PLA2G12A: variants seen among roughly 807,000 people sequenced by gnomAD.
The protein encoded by PLA2G12A is group XIIA secretory phospholipase A2.
In PLA2G12A, 11 loss-of-function variants were observed where a neutral mutation model predicts 16.0. That is an observed-to-expected ratio of 0.69 (90% CI 0.43 to 1.13). The LOEUF is 1.13. Among genes scored for constraint, PLA2G12A ranks in the 50% most tolerant of loss-of-function variants. The probability of loss-of-function intolerance (pLI) is 0.00; values close to 1 mark genes in which losing one functional copy is unlikely to be tolerated. For synonymous variants in PLA2G12A, 77 were observed against 93.8 expected, an observed-to-expected ratio of 0.82 and a Z score of 1.03; for missense variants, 214 against 237.3, an observed-to-expected ratio of 0.90 and a Z score of 0.65.
At chr4:109,727,033 G>A (rs1178768837) in intron 1 of PLA2G12A, among the ~76,000 whole-genome samples, 1 of 151,282 alleles carries the variant, frequency 6.6e-6, no homozygotes, top group East Asian at 1.9e-4. Flanking sequence ...GTTTGGTTCT[G>A]ATTTGGTCAC....
chr4:109,717,333 A>C (rs1306440450), intron 3 of PLA2G12A, among the ~76,000 whole-genome samples: 2 of 151,890 alleles, frequency 1.3e-5, no homozygotes, highest in Non-Finnish European at 2.9e-5. Context: ...AGACACCCCT[A>C]CTCTCCCAAG....
chr4:109,715,449 G>C (rs1363138866), intron 3 of PLA2G12A, among the ~76,000 whole-genome samples: 1 of 150,232 alleles, frequency 6.7e-6, no homozygotes, highest in Non-Finnish European at 1.5e-5. Context: ...AGTCAGGTAG[G>C]TTTATTTTAT....
At chr4:109,719,814 T>C (rs1197892814) in intron 1 of PLA2G12A, among the ~76,000 whole-genome samples, 1 of 152,194 alleles carries the variant, frequency 6.6e-6, no homozygotes, top group Non-Finnish European at 1.5e-5. Context: ...CTGACACAGA[T>C]ACTAAGTGAG....
At chr4:109,724,807 A>C (rs137944628) in intron 1 of PLA2G12A, among the ~76,000 whole-genome samples, 322 of 152,330 alleles carry the variant, frequency 2.1e-3, no homozygotes, top group African/African-American at 7.4e-3. Flanking sequence ...TAGTGGTTAT[A>C]ACTGTCTGAA....
intron 2 of PLA2G12A, among the ~76,000 whole-genome samples, chr4:109,718,482 A>T (rs1730866657): frequency 6.6e-6 from 1 of 152,226 alleles, no homozygotes; most frequent in South Asian, 2.1e-4. Flanking sequence ...AATAGTACGA[A>T]CATCTATAAG....
In PLA2G12A at chr4:109,729,824, G is replaced by A; in HGVS notation, c.-15C>T. On this transcript the variant is annotated 5_prime_UTR_variant, in exon 1 of 4. Coordinates refer to ENST00000243501, the MANE Select transcript of PLA2G12A (RefSeq NM_030821.5). Reference sequence around the variant, plus strand: ...AGCAGGGCCATGCGCGCAGCGCCGGGCTCTACGGGTCCCCGAGCCGCGGCG... The same window carrying A: ...AGCAGGGCCATGCGCGCAGCGCCGGACTCTACGGGTCCCCGAGCCGCGGCG... 1 of 1,545,364 alleles carries A rather than the reference G, an allele frequency of 6.5e-7. No homozygotes were observed. The highest frequency in any genetic ancestry group is 1.2e-5 in the South Asian group (1 of 83,908).
At chr4:109,719,300 AC>A (rs1730878638) in intron 1 of PLA2G12A, among the ~76,000 whole-genome samples, 2 of 152,214 alleles carry the variant, frequency 1.3e-5, no homozygotes. Context: ...TAACCTTAGT[AC>A]TACAAGACAT....
In PLA2G12A at chr4:109,729,929, TC is replaced by T; in HGVS notation, c.-121del. ...GGACTTGGCAGCAGCCAGCTCCATA[TC>T]CACGCCTCCTTCCCGGCTGGCCCTC... is the stretch of plus-strand genomic sequence containing the variant. On this transcript the variant is annotated 5_prime_UTR_variant, in exon 1 of 4. Transcript: ENST00000243501. 1.3e-6 allele frequency: 1 copy of T among 769,482 alleles called. No homozygotes were observed. Among genetic ancestry groups the T allele is most frequent in the Non-Finnish European group, 2.0e-6 (1 of 508,380 alleles). 47.7% of individuals were successfully genotyped at this position (769,482 alleles called of 1,614,324 possible). A position where few individuals can be genotyped will look rare whatever the true frequency, so the allele number is the denominator to read the frequency against.
At chr4:109,714,525 G>C in intron 3 of PLA2G12A, 30 bp from the exon 4 acceptor site, 8 of 1,424,554 alleles carry the variant, frequency 5.6e-6, no homozygotes, top group Middle Eastern at 1.7e-4. Flanking sequence ...GATTACTGTT[G>C]GGCAACTGCA....
At chr4:109,727,331 G>A (rs1185701881) in intron 1 of PLA2G12A, among the ~76,000 whole-genome samples, 7 of 151,650 alleles carry the variant, frequency 4.6e-5, no homozygotes, top group Non-Finnish European at 8.8e-5. Context: ...GGCTGGTCTC[G>A]AACTCCTGAG....
chr4:109,717,753 C>T, intron 2 of PLA2G12A, 40 bp from the exon 3 acceptor site: 1 of 1,575,184 alleles, frequency 6.3e-7, no homozygotes, highest in Admixed American at 1.7e-5. Context: ...CAATGAAATG[C>T]AAAACTCCTC....
chr4:109,729,630 G>T lies in PLA2G12A; in HGVS notation c.180C>A (p.Asp60Glu), dbSNP rs1421948816. 1 of 1,611,838 alleles carries T rather than the reference G, an allele frequency of 6.2e-7. No individual in the cohort carries two copies. Among genetic ancestry groups the T allele is most frequent in the Non-Finnish European group, 8.5e-7 (1 of 1,179,736 alleles). ...NAALDLLGGE[D>E]GLCQYKCSDG... ...CACTGCATTTATACTGGCAGAGACC[G>T]TCCTCGCCTCCCAGGAGGTCCAAGG... Residue 60 changes from aspartate (D) to glutamate (E), a missense_variant, in exon 1 of 4, where the codon GAC becomes GAA. Coordinates refer to ENST00000243501, the MANE Select transcript of PLA2G12A (RefSeq NM_030821.5).
At position 109,730,069 on chromosome 4, in the gene PLA2G12A, G is replaced by C; in HGVS notation, c.-260C>G. On this transcript the variant is annotated 5_prime_UTR_variant, in exon 1 of 4. Coordinates refer to ENST00000243501, the MANE Select transcript of PLA2G12A (RefSeq NM_030821.5). ...ACCTGGGCCAGCAACCGTCCCCTGT[G>C]CGCCTGCGCCGGAGCACGGCGCGTC... 1 of 343,026 alleles carries C rather than the reference G, an allele frequency of 2.9e-6. No homozygotes were observed. Among genetic ancestry groups the C allele is most frequent in the Non-Finnish European group, 5.2e-6 (1 of 192,490 alleles). 21.2% of individuals were successfully genotyped at this position (343,026 alleles called of 1,614,324 possible). A position where few individuals can be genotyped will look rare whatever the true frequency, so the allele number is the denominator to read the frequency against.
intron 1 of PLA2G12A, among the ~76,000 whole-genome samples, chr4:109,726,773 T>C (rs1251333256): frequency 2.6e-5 from 4 of 152,180 alleles, no homozygotes; most frequent in Non-Finnish European, 4.4e-5. Flanking sequence ...GATCATCAAA[T>C]TTATTTCCCT....
chr4:109,719,273 A>C (rs1361735362), intron 1 of PLA2G12A, among the ~76,000 whole-genome samples: 2 of 152,214 alleles, frequency 1.3e-5, no homozygotes, highest in Non-Finnish European at 2.9e-5. Context: ...AGACAAGGTC[A>C]TCTGATGATC....
intron 1 of PLA2G12A, 100 bp from the exon 2 acceptor site, chr4:109,718,859 A>T (rs987221610): frequency 4.1e-6 from 3 of 735,628 alleles, no homozygotes; most frequent in African/African-American, 1.8e-5. Context: ...AGAAATATGT[A>T]ATATTTACTT....
In PLA2G12A at chr4:109,729,671, T is replaced by A; in HGVS notation, c.139A>T (p.Thr47Ser). Residue 47 changes from threonine (T) to serine (S), a missense_variant, in exon 1 of 4, where the codon ACG becomes TCG. By Grantham distance (58) the Thr-to-Ser change is moderately conservative. Transcript: ENST00000243501. ...AGGTCCAAGGCGGCGTTCAGGTACG[T>A]GTCTATCTTATGAACGCCGTTCCGG... is the stretch of plus-strand genomic sequence containing the variant. Reference protein sequence around the residue: ...TIRNGVHKIDTYLNAALDLLG... With the variant: ...TIRNGVHKIDSYLNAALDLLG... 1 of 1,611,820 alleles carries A rather than the reference T, an allele frequency of 6.2e-7. No homozygotes were observed. The highest frequency in any genetic ancestry group is 8.5e-7 in the Non-Finnish European group (1 of 1,179,794).
intron 1 of PLA2G12A, among the ~76,000 whole-genome samples, chr4:109,720,603 A>AAAT (rs1319859915): frequency 8.7e-5 from 2 of 23,038 alleles, no homozygotes; most frequent in African/African-American, 4.1e-4. Flanking sequence ...AAAAAAAAAA[A>AAAT]AATATATATA....
At chr4:109,723,952 T>C (rs1722868417) in intron 1 of PLA2G12A, among the ~76,000 whole-genome samples, 2 of 152,130 alleles carry the variant, frequency 1.3e-5, no homozygotes. Flanking sequence ...AACATAATGT[T>C]TATCCTATGT....
Sources: gnomAD v4.1 joint callset for allele counts (sites outside exome capture counted in the v4.1 genomes callset) on GRCh38, gnomAD v4.1.1 for gene constraint, MANE v1.5 for transcripts, NCBI Gene and HGNC (gene_info 2026-07-23, HGNC 2026-07-21) for gene names.